The following CADM2 variants were observed in gnomAD, a reference collection of about 807,000 sequenced individuals.
CADM2 encodes immunoglobulin superfamily member 4D.
A neutral mutation model predicts 49.8 loss-of-function variants in CADM2; 12 were observed. The observed-to-expected ratio is 0.24, with a 90% CI of 0.15 to 0.39. The LOEUF (loss-of-function observed/expected upper bound fraction) is 0.39, where lower values mean the gene tolerates loss of function less well. Ranked by LOEUF, CADM2 falls within the 10% of genes least tolerant of loss-of-function variation. CADM2 has a pLI of 1.00. For synonymous variants in CADM2, 214 were observed against 175.4 expected (o/e 1.22, Z -1.74); for missense variants, 378 against 492.3 (o/e 0.77, Z 2.20).
At chr3:85,408,800 T>C (rs2035523483) in intron 1 of CADM2, among the ~76,000 whole-genome samples, 1 of 152,174 alleles carries the variant, frequency 6.6e-6, no homozygotes. Context: ...CCATTTTCAC[T>C]TAGATGCCAC....
At chr3:85,927,504 T>G (rs1212054731) in intron 6 of CADM2, among the ~76,000 whole-genome samples, 1 of 152,208 alleles carries the variant, frequency 6.6e-6, no homozygotes, top group Non-Finnish European at 1.5e-5. Flanking sequence ...CACTCTTCTT[T>G]GTGTGTCTTA....
At chr3:85,841,050 T>C (rs913954174) in intron 3 of CADM2, among the ~76,000 whole-genome samples, 2 of 151,746 alleles carry the variant, frequency 1.3e-5, no homozygotes, top group Non-Finnish European at 2.9e-5. Context: ...GAAATAATAA[T>C]ATAATAATCA....
intron 1 of CADM2, among the ~76,000 whole-genome samples, chr3:85,634,547 C>T (rs1576982844): frequency 6.6e-6 from 1 of 152,102 alleles, no homozygotes; most frequent in Middle Eastern, 3.4e-3. Context: ...CAAAAAGGCT[C>T]TACAATTTCT....
At chr3:85,163,241 C>T (rs1304687871) in intron 1 of CADM2, among the ~76,000 whole-genome samples, 1 of 152,032 alleles carries the variant, frequency 6.6e-6, no homozygotes, top group Non-Finnish European at 1.5e-5. Flanking sequence ...TATTACAAGC[C>T]TACTAGCAGG....
rs1420388307 is a variant in CADM2 at position 85,234,940 on chromosome 3, G to A, written c.61+275272G>A. ...TATGAACTAACAGAGCTCTTTGTAT[G>A]TGTGCTGAACACTGGGTGTGGTGGT... On this transcript the variant is annotated intron_variant, in intron 1 of 9. Coordinates refer to ENST00000383699, the MANE Select transcript of CADM2 (RefSeq NM_001167675.2). Among the ~76,000 whole-genome samples, 4 of 152,082 alleles carry A rather than the reference G, an allele frequency of 2.6e-5. No homozygotes were observed. The East Asian group carries it at 7.7e-4, about 29-fold the overall frequency.
At chr3:85,445,112 G>T (rs1394418663) in intron 1 of CADM2, among the ~76,000 whole-genome samples, 1 of 152,068 alleles carries the variant, frequency 6.6e-6, no homozygotes, top group African/African-American at 2.4e-5. Context: ...AGTAGTTTTT[G>T]ATATCTTCGT....
chr3:85,546,643 G>A (rs561443771), intron 1 of CADM2, among the ~76,000 whole-genome samples: 75 of 152,224 alleles, frequency 4.9e-4, no homozygotes, highest in South Asian at 1.2e-3. Context: ...AAATTGAGTT[G>A]CAGATATCAG....
rs2062354997 is a variant in CADM2, at chr3:85,568,453, T to TTTTCTCTC, written c.62-158068_62-158067insTTCTCTCT. Among the ~76,000 whole-genome samples, 2 of 27,566 alleles carry TTTTCTCTC rather than the reference T, an allele frequency of 7.3e-5. 1 individual carries two copies. The highest frequency in any genetic ancestry group is 1.7e-4 in the Non-Finnish European group (2 of 11,728). 18.1% of individuals were successfully genotyped at this position (27,566 alleles called of 152,430 possible). A position where few individuals can be genotyped will look rare whatever the true frequency, so the allele number is the denominator to read the frequency against. ...TTTCTTTCTTTCTTTCTTTCTTTCT[T>TTTTCTCTC]TCTTTCTTTCTCTTTCTCTCTCTTT... On this transcript the variant is annotated intron_variant, in intron 1 of 9. Transcript: ENST00000383699.
chr3:85,945,951 A>G (rs2108570932), intron 7 of CADM2, among the ~76,000 whole-genome samples: 1 of 152,212 alleles, frequency 6.6e-6, no homozygotes, highest in Non-Finnish European at 1.5e-5. Flanking sequence ...GGAGAAAGAA[A>G]TAAAGGGTAT....
chr3:85,475,268 T>C (rs1225559331), intron 1 of CADM2, among the ~76,000 whole-genome samples: 1 of 152,026 alleles, frequency 6.6e-6, no homozygotes, highest in Non-Finnish European at 1.5e-5. Context: ...TGCCTCAATC[T>C]AATTGTGATA....
chr3:86,008,030 A>G (rs1180322874), intron 8 of CADM2, among the ~76,000 whole-genome samples: 1 of 152,190 alleles, frequency 6.6e-6, no homozygotes, highest in Non-Finnish European at 1.5e-5. Flanking sequence ...ACCAGTTCAT[A>G]ATTTGGGAGT....
At chr3:85,435,877 T>C (rs990869987) in intron 1 of CADM2, among the ~76,000 whole-genome samples, 33 of 152,158 alleles carry the variant, frequency 2.2e-4, no homozygotes, top group Middle Eastern at 3.2e-3. Context: ...CGTTTGTTTT[T>C]TTTCTTGTAA....
At chr3:85,385,087 C>T (rs975841453) in intron 1 of CADM2, among the ~76,000 whole-genome samples, 2 of 151,958 alleles carry the variant, frequency 1.3e-5, no homozygotes, top group African/African-American at 4.8e-5. Context: ...AGGTGCGCTC[C>T]AGCACACCTG....
intron 8 of CADM2, among the ~76,000 whole-genome samples, chr3:85,991,929 A>G (rs1341907286): frequency 6.6e-6 from 1 of 152,070 alleles, no homozygotes; most frequent in African/African-American, 2.4e-5. Context: ...ACTAAATCCA[A>G]TTGATTGAAA....
rs537821160 is a variant in CADM2 at position 85,502,618 on chromosome 3, T to G, written c.62-223904T>G. On this transcript the variant is annotated intron_variant, in intron 1 of 9. Coordinates refer to ENST00000383699, the MANE Select transcript of CADM2 (RefSeq NM_001167675.2). ...TTTTCAACAGGAGTGACAGCAGATTTTTAAGTAAGAAAAAAAATGTAGCAG... is the reference window on the plus strand; with the variant it reads ...TTTTCAACAGGAGTGACAGCAGATTGTTAAGTAAGAAAAAAAATGTAGCAG... 2.6e-4 allele frequency among the ~76,000 whole-genome samples: 40 copies of G among 152,230 alleles called. 1 individual carries two copies. Among genetic ancestry groups the G allele is most frequent in the African/African-American group, 7.7e-4 (32 of 41,564 alleles).
chr3:85,890,942 G>T (rs1424450389), intron 5 of CADM2, among the ~76,000 whole-genome samples: 1 of 152,102 alleles, frequency 6.6e-6, no homozygotes, highest in Non-Finnish European at 1.5e-5. Context: ...AAACAGAGAG[G>T]CAGGGTTCAG....
intron 1 of CADM2, among the ~76,000 whole-genome samples, chr3:85,670,524 C>A (rs2065705532): frequency 6.6e-6 from 1 of 152,096 alleles, no homozygotes; most frequent in African/African-American, 2.4e-5. Context: ...ACCTGTCCAT[C>A]CACAGCCTTC....
chr3:86,007,853 C>A (rs1210604545), intron 8 of CADM2, among the ~76,000 whole-genome samples: 1 of 152,170 alleles, frequency 6.6e-6, no homozygotes, highest in African/African-American at 2.4e-5. Flanking sequence ...ATTTTTATAA[C>A]AAACCATAAA....
intron 1 of CADM2, among the ~76,000 whole-genome samples, chr3:85,084,971 A>T (rs1194119588): frequency 6.6e-6 from 1 of 152,144 alleles, no homozygotes; most frequent in East Asian, 1.9e-4. Flanking sequence ...ATATACAGTT[A>T]TGTTAGGCAG....
Sources: allele counts gnomAD v4.1 joint callset (sites outside exome capture counted in the v4.1 genomes callset), GRCh38; gene constraint gnomAD v4.1.1; transcripts MANE v1.5; gene names NCBI Gene and HGNC (gene_info 2026-07-23, HGNC 2026-07-21).